SYT2: variants seen among roughly 807,000 people sequenced by gnomAD.
SYT2 encodes synaptotagmin-2.
Under a neutral mutation model 39.9 loss-of-function variants are expected in SYT2, and 15 were observed. That is an observed-to-expected ratio of 0.38 (90% CI 0.25 to 0.58). The LOEUF (loss-of-function observed/expected upper bound fraction) is 0.58, where lower values mean the gene tolerates loss of function less well. Among genes scored for constraint, SYT2 ranks in the 20% least tolerant of loss-of-function variants. SYT2 has a pLI of 0.70. For missense variants in SYT2, 389 were observed against 530.3 expected, an observed-to-expected ratio of 0.73 and a Z score of 2.62; for synonymous variants, 181 against 204.5, an observed-to-expected ratio of 0.89 and a Z score of 0.98.
intron 1 of SYT2, among the ~76,000 whole-genome samples, chr1:202,619,131 C>T (rs558500382): frequency 1.2e-4 from 19 of 152,306 alleles, no homozygotes; most frequent in Middle Eastern, 3.4e-3. Flanking sequence ...GGAATGGCGG[C>T]GAGAACGGTG....
chr1:202,667,401 G>A (rs941298001), intron 1 of SYT2, among the ~76,000 whole-genome samples: 10 of 152,078 alleles, frequency 6.6e-5, no homozygotes, highest in African/African-American at 2.4e-4. Flanking sequence ...CTTGTCAGGG[G>A]AGCTTGGGAA....
At position 202,604,474 on chromosome 1, in the gene SYT2, T is replaced by C. The variant is rs1690631020; in HGVS notation, c.326A>G (p.Lys109Arg). The change falls in exon 3 of 9, where the codon AAG becomes AGG. Residue 109 changes from lysine to arginine, a missense_variant. Physicochemically the swap from Lys to Arg is conservative, Grantham distance 26. This residue lies in a region of SYT2 where 280 missense variants were observed against 335.6 expected (regional missense o/e 0.83). Coordinates refer to ENST00000367268, the MANE Select transcript of SYT2 (RefSeq NM_177402.5). ...GKGMKNAMNM[K>R]DMKGGQDDDD... ...CCCTACCTGACCCCCTTTCATGTCC[T>C]TCATGTTCATGGCATTCTTCATGCC... The C allele has an allele frequency of 1.2e-6, 2 of 1,614,114 alleles. No homozygotes were observed. Among genetic ancestry groups the C allele is most frequent in the Non-Finnish European group, 1.7e-6 (2 of 1,180,044 alleles).
In SYT2 at chr1:202,623,145, G is replaced by A. The variant is rs2149084175; in HGVS notation, c.-17-17356C>T. Among the ~76,000 whole-genome samples the A allele has an allele frequency of 6.6e-6, 1 of 152,334 alleles. No individual in the cohort carries two copies. Among genetic ancestry groups the A allele is most frequent in the Admixed American group, 6.5e-5 (1 of 15,310 alleles). On this transcript the variant is annotated intron_variant, in intron 1 of 8. Transcript: ENST00000367268. The surrounding 1 kb of genome is among the most constrained non-coding windows in gnomAD (Gnocchi z 4.2). ...ATGCCCCCGCCAGGCAAGCCCCTCA[G>A]CACACCCTCCGCTCTGCCACCCCAG...
chr1:202,687,571 A>G (rs951633857), intron 1 of SYT2, among the ~76,000 whole-genome samples: 1 of 151,752 alleles, frequency 6.6e-6, no homozygotes, highest in Non-Finnish European at 1.5e-5. Context: ...CCCCTTGACC[A>G]GACGCCAGGG....
intron 1 of SYT2, among the ~76,000 whole-genome samples, chr1:202,694,958 T>C (rs1364488737): frequency 1.3e-5 from 2 of 152,216 alleles, no homozygotes; most frequent in East Asian, 1.9e-4. Context: ...ATATCTATCC[T>C]ATCCCAGACC....
intron 1 of SYT2, among the ~76,000 whole-genome samples, chr1:202,647,875 T>C (rs976240509): frequency 6.6e-6 from 1 of 152,102 alleles, no homozygotes; most frequent in African/African-American, 2.4e-5. Context: ...CAGCAGCTCT[T>C]AGTGCTTGTA....
chr1:202,704,279 G>A (rs894981322), intron 1 of SYT2, among the ~76,000 whole-genome samples: 1 of 152,200 alleles, frequency 6.6e-6, no homozygotes, highest in Non-Finnish European at 1.5e-5. Flanking sequence ...GGGCTAGGGG[G>A]ACCCAGGAGA....
chr1:202,663,562 T>A (rs1488304131), intron 1 of SYT2, among the ~76,000 whole-genome samples: 1 of 152,212 alleles, frequency 6.6e-6, no homozygotes, highest in South Asian at 2.1e-4. Flanking sequence ...TATGACTATA[T>A]CCTCAAACTT....
intron 1 of SYT2, among the ~76,000 whole-genome samples, chr1:202,681,217 T>G (rs1003351134): frequency 1.3e-5 from 2 of 151,696 alleles, no homozygotes; most frequent in African/African-American, 4.8e-5. Context: ...CTCACCCTCC[T>G]AGGAGCCGCC....
intron 1 of SYT2, among the ~76,000 whole-genome samples, chr1:202,657,963 C>T (rs1692309035): frequency 6.6e-6 from 1 of 152,188 alleles, no homozygotes; most frequent in Non-Finnish European, 1.5e-5. Flanking sequence ...TGGGGACCCT[C>T]TCACTTGGGT....
At position 202,596,823 on chromosome 1, in the gene SYT2, G is replaced by A. The variant is rs1456876539; in HGVS notation, c.1194C>T (p.Pro398=). Residue 398 remains proline (P), a synonymous_variant, in exon 9 of 9, where the codon CCC becomes CCT. Transcript: ENST00000367268. ...GCTTGAGCGAGTGCCACTGGGCGAT[G>A]GGCCTCCGGGGGTTGGCCAGCATGT... is the stretch of plus-strand genomic sequence containing the variant. ...WSDMLANPRR[P]IAQWHSLKPE... 2 of 1,614,150 alleles carry A rather than the reference G, an allele frequency of 1.2e-6. No homozygotes were observed. The highest frequency in any genetic ancestry group is 3.3e-5 in the Admixed American group (2 of 60,022).
At chr1:202,706,636 C>G (rs1654259572) in intron 1 of SYT2, among the ~76,000 whole-genome samples, 1 of 152,112 alleles carries the variant, frequency 6.6e-6, no homozygotes, top group Non-Finnish European at 1.5e-5. Flanking sequence ...ACTATACTGC[C>G]ACTTAGAAAA....
intron 1 of SYT2, among the ~76,000 whole-genome samples, chr1:202,610,599 T>C (rs1690859630): frequency 6.6e-6 from 1 of 152,170 alleles, no homozygotes. Context: ...AAAATCTCCT[T>C]AAGCTGATAG....
intron 1 of SYT2, chr1:202,636,285 G>A (rs1691738212): frequency 1.3e-6 from 1 of 783,446 alleles, no homozygotes; most frequent in Non-Finnish European, 1.5e-6. Flanking sequence ...GAGTCCAAGT[G>A]GCCTCACTGG....
chr1:202,639,261 G>A (rs555398850), intron 1 of SYT2, among the ~76,000 whole-genome samples: 41 of 152,350 alleles, frequency 2.7e-4, no homozygotes, highest in Admixed American at 1.2e-3. Flanking sequence ...AGATCAGGAA[G>A]TTCCTTCCTA....
At chr1:202,634,451 C>T (rs1051996441) in intron 1 of SYT2, among the ~76,000 whole-genome samples, 1 of 152,002 alleles carries the variant, frequency 6.6e-6, no homozygotes, top group African/African-American at 2.4e-5. Flanking sequence ...CGAGATTGTG[C>T]CATTGCACTC....
chr1:202,619,242 T>C lies in SYT2; in HGVS notation c.-17-13453A>G, dbSNP rs1158957337. Among the ~76,000 whole-genome samples the C allele has an allele frequency of 2.0e-5, 3 of 152,110 alleles. No individual in the cohort carries two copies. In the South Asian group the frequency reaches 6.2e-4, roughly 32 times the overall value. ...AGCAGCCAGCTGGAAGACTTGAGGA[T>C]GATAAATGGATCAGGGTGCCAGGGC... On this transcript the variant is annotated intron_variant, in intron 1 of 8. Transcript: ENST00000367268.
intron 1 of SYT2, among the ~76,000 whole-genome samples, chr1:202,651,886 C>T (rs1223255093): frequency 2.0e-5 from 3 of 152,122 alleles, no homozygotes; most frequent in Non-Finnish European, 4.4e-5. Context: ...GGTGAAGCCC[C>T]GTCTCTACTA....
At position 202,614,858 on chromosome 1, in the gene SYT2, G is replaced by A. The variant is rs1424667379; in HGVS notation, c.-17-9069C>T. On this transcript the variant is annotated intron_variant, in intron 1 of 8. Coordinates refer to ENST00000367268, the MANE Select transcript of SYT2 (RefSeq NM_177402.5). The surrounding 1 kb of genome is among the most constrained non-coding windows in gnomAD (Gnocchi z 4.0). ...CGGTTCAGGGTGAGGCTGGCAGGCC[G>A]GGCAGGGCAGGATCAGGAGCACCAT... 3.9e-5 allele frequency among the ~76,000 whole-genome samples: 6 copies of A among 152,310 alleles called. No homozygotes were observed. The highest frequency in any genetic ancestry group is 7.4e-5 in the Non-Finnish European group (5 of 68,022).
Sources: gnomAD v4.1 joint callset for allele counts (sites outside exome capture counted in the v4.1 genomes callset) on GRCh38, gnomAD v4.1.1 for gene constraint, gnomAD v4.1.1 regional missense constraint, Gnocchi (gnomAD v3.1) non-coding constraint, MANE v1.5 for transcripts, NCBI Gene and HGNC (gene_info 2026-07-23, HGNC 2026-07-21) for gene names.